Variants in PTPRG observed in about 807,000 individuals in gnomAD.
PTPRG encodes the protein protein tyrosine phosphatase receptor type G.
PTPRG carries 102 observed loss-of-function variants against 165.3 expected under a neutral mutation model. The observed-to-expected ratio is 0.62, with a 90% CI of 0.53 to 0.73. PTPRG has a LOEUF of 0.73. Ranked by LOEUF, PTPRG falls within the 30% of genes least tolerant of loss-of-function variation. The pLI, the probability that PTPRG is intolerant of heterozygous loss-of-function variation, is 0.00. For synonymous variants in PTPRG, 675 were observed against 669.5 expected (o/e 1.01, Z -0.13); for missense variants, 1,866 against 1,861.4 (o/e 1.00, Z -0.05).
intron 6 of PTPRG, among the ~76,000 whole-genome samples, chr3:62,142,259 A>G (rs1425750311): frequency 6.6e-6 from 1 of 152,032 alleles, no homozygotes; most frequent in African/African-American, 2.4e-5. Flanking sequence ...ATTGCTTAGG[A>G]GTTTATATGT....
At chr3:62,138,178 C>A (rs1252699820) in intron 6 of PTPRG, among the ~76,000 whole-genome samples, 1 of 152,148 alleles carries the variant, frequency 6.6e-6, no homozygotes, top group Non-Finnish European at 1.5e-5. Flanking sequence ...AAGAAAATTG[C>A]TTGAATTTGC....
intron 2 of PTPRG, among the ~76,000 whole-genome samples, chr3:61,878,223 T>C (rs2037796122): frequency 6.6e-6 from 1 of 152,186 alleles, no homozygotes; most frequent in Non-Finnish European, 1.5e-5. Context: ...ATTTCCGAAG[T>C]CTTGACAAGC....
intron 21 of PTPRG, 53 bp from the exon 22 acceptor site, chr3:62,272,893 G>A: frequency 2.0e-6 from 3 of 1,467,786 alleles, no homozygotes; most frequent in Non-Finnish European, 2.7e-6. Flanking sequence ...CGAATCCAAA[G>A]TTAACAGTAT....
intron 2 of PTPRG, among the ~76,000 whole-genome samples, chr3:61,980,009 A>C (rs1347143044): frequency 2.0e-5 from 3 of 151,852 alleles, no homozygotes; most frequent in Non-Finnish European, 2.9e-5. Context: ...CAAACTCCCA[A>C]ATTCTGTCTC....
intron 2 of PTPRG, among the ~76,000 whole-genome samples, chr3:61,866,551 C>CA (rs2037412913): frequency 7.0e-6 from 1 of 141,880 alleles, no homozygotes; most frequent in Non-Finnish European, 1.5e-5. Context: ...TACACTTACA[C>CA]AGAGCTTCCC....
intron 1 of PTPRG, among the ~76,000 whole-genome samples, chr3:61,641,344 G>A (rs1702054394): frequency 6.6e-6 from 1 of 152,172 alleles, no homozygotes. Flanking sequence ...TTCTATTGGG[G>A]AACAAAGTGG....
intron 1 of PTPRG, among the ~76,000 whole-genome samples, chr3:61,656,156 C>T (rs1289093953): frequency 6.6e-6 from 1 of 151,980 alleles, no homozygotes; most frequent in African/African-American, 2.4e-5. Flanking sequence ...CAGTTGAACC[C>T]AGGAGTTTGA....
chr3:62,200,823 TAG>T (rs1332560975), intron 10 of PTPRG, among the ~76,000 whole-genome samples: 3 of 151,980 alleles, frequency 2.0e-5, no homozygotes, highest in Non-Finnish European at 2.9e-5. Context: ...GGTGGGCAAA[TAG>T]AGTTAAATTA....
chr3:61,775,426 C>T (rs192932473), intron 2 of PTPRG, among the ~76,000 whole-genome samples: 45 of 152,274 alleles, frequency 3.0e-4, no homozygotes, highest in African/African-American at 1.1e-3. Flanking sequence ...TGTAGCAAAG[C>T]TTGCAATGCA....
chr3:61,562,953 T>G (rs1382356809), intron 1 of PTPRG, among the ~76,000 whole-genome samples: 1 of 151,196 alleles, frequency 6.6e-6, no homozygotes, highest in Admixed American at 6.6e-5. Flanking sequence ...GTCCTCCCTC[T>G]CTCTGGGGGC....
At chr3:61,984,709 C>T (rs541046134) in intron 2 of PTPRG, among the ~76,000 whole-genome samples, 2 of 152,278 alleles carry the variant, frequency 1.3e-5, no homozygotes, top group South Asian at 2.1e-4. Context: ...AAACTTTACT[C>T]AGAGCTCATG....
At chr3:61,903,488 C>T (rs561326921) in intron 2 of PTPRG, among the ~76,000 whole-genome samples, 1 of 152,298 alleles carries the variant, frequency 6.6e-6, no homozygotes, top group South Asian at 2.1e-4. Context: ...ATTCTCGTGT[C>T]TCAGCCTCCC....
chr3:61,790,193 A>G (rs898904935), intron 2 of PTPRG, among the ~76,000 whole-genome samples: 3 of 152,140 alleles, frequency 2.0e-5, no homozygotes, highest in African/African-American at 4.8e-5. Flanking sequence ...GTACTGGAGG[A>G]ACCCTGAGGC....
At chr3:61,801,288 G>A (rs928993336) in intron 2 of PTPRG, among the ~76,000 whole-genome samples, 8 of 149,360 alleles carry the variant, frequency 5.4e-5, no homozygotes, top group Middle Eastern at 3.5e-3. Context: ...GGTGGTGTGC[G>A]CACACGCATA....
chr3:61,996,169 C>T (rs1559736193), intron 3 of PTPRG, among the ~76,000 whole-genome samples: 1 of 152,058 alleles, frequency 6.6e-6, no homozygotes, highest in East Asian at 1.9e-4. Context: ...CAATAATAAC[C>T]TAAATGTGTT....
chr3:62,062,489 CAAT>C (rs1038282641), intron 4 of PTPRG, among the ~76,000 whole-genome samples: 17 of 152,006 alleles, frequency 1.1e-4, no homozygotes, highest in African/African-American at 3.6e-4. Flanking sequence ...GCATATGAAA[CAAT>C]AAGAAAATGG....
intron 2 of PTPRG, chr3:61,926,029 A>G (rs1210008381): frequency 2.2e-6 from 1 of 450,524 alleles, no homozygotes; most frequent in African/African-American, 2.0e-5. Flanking sequence ...CCTTCCTGTA[A>G]CTACTATATC....
chr3:61,836,361 G>T (rs927506329), intron 2 of PTPRG, among the ~76,000 whole-genome samples: 1 of 152,148 alleles, frequency 6.6e-6, no homozygotes, highest in Non-Finnish European at 1.5e-5. Flanking sequence ...GCTTGAAAGT[G>T]GTTGAAGTAA....
chr3:62,268,898 T>G (rs1376420903), intron 19 of PTPRG, 137 bp from the exon 20 acceptor site: 1 of 969,552 alleles, frequency 1.0e-6, no homozygotes, highest in South Asian at 2.8e-5. Flanking sequence ...CTTTAAGCAG[T>G]TAAACTCACG....
Sources: allele counts gnomAD v4.1 joint callset (sites outside exome capture counted in the v4.1 genomes callset), GRCh38; gene constraint gnomAD v4.1.1; transcripts MANE v1.5; gene names NCBI Gene and HGNC (gene_info 2026-07-23, HGNC 2026-07-21).